JAK1: variants seen among roughly 807,000 people sequenced by gnomAD.
JAK1 encodes the protein tyrosine-protein kinase JAK1.
Under a neutral mutation model 136.6 loss-of-function variants are expected in JAK1, and 16 were observed. That is an observed-to-expected ratio of 0.12 (90% CI 0.08 to 0.18). JAK1 has a LOEUF of 0.18. JAK1 is among the 10% of genes least tolerant of loss of function. The pLI, the probability that JAK1 is intolerant of heterozygous loss-of-function variation, is 1.00. For synonymous variants in JAK1, 492 were observed against 519.5 expected (o/e 0.95, Z 0.72); for missense variants, 859 against 1,450.1 (o/e 0.59, Z 6.62).
chr1:64,975,081 G>A (rs56877097), intron 2 of JAK1, among the ~76,000 whole-genome samples: 26,757 of 142,080 alleles, frequency 0.19, 2,857 homozygotes, highest in East Asian at 0.4. Context: ...AGCTAATTTT[G>A]TATAGTTTTT....
At chr1:65,044,428 T>C (rs1647165207) in intron 2 of JAK1, among the ~76,000 whole-genome samples, 1 of 152,222 alleles carries the variant, frequency 6.6e-6, no homozygotes, top group Non-Finnish European at 1.5e-5. Flanking sequence ...GTAAATGAAG[T>C]TGCAAGTTTT....
At chr1:65,062,897 G>GT (rs1647853646) in intron 1 of JAK1, among the ~76,000 whole-genome samples, 1 of 152,188 alleles carries the variant, frequency 6.6e-6, no homozygotes, top group African/African-American at 2.4e-5. Flanking sequence ...ATCAACAAGA[G>GT]TATGTTTAAT....
In JAK1 at chr1:64,839,026, G is replaced by A. The variant is rs1483787788; in HGVS notation, c.2843-437C>T. ...CCGGGCGTGATGGCGGGCGCCTGTA[G>A]TCCCAGCTACTCGGGAGGCTGAGGC... is the stretch of plus-strand genomic sequence containing the variant. On this transcript the variant is annotated intron_variant, in intron 20 of 24. Coordinates refer to ENST00000342505, the MANE Select transcript of JAK1 (RefSeq NM_002227.4). 3.3e-5 allele frequency among the ~76,000 whole-genome samples: 5 copies of A among 150,552 alleles called. No homozygotes were observed. In the East Asian group the frequency reaches 7.8e-4, roughly 24 times the overall value.
chr1:64,861,145 GT>G (rs779300789), intron 8 of JAK1, among the ~76,000 whole-genome samples: 28 of 152,090 alleles, frequency 1.8e-4, no homozygotes, highest in Non-Finnish European at 3.1e-4. Context: ...GCACTCAACG[GT>G]GAATGGCTAA....
chr1:65,025,409 C>T (rs926135634), intron 2 of JAK1, among the ~76,000 whole-genome samples: 1 of 152,172 alleles, frequency 6.6e-6, no homozygotes, highest in African/African-American at 2.4e-5. Flanking sequence ...ATGTCCACTA[C>T]AGTGCTTCCC....
upstream of JAK1, among the ~76,000 whole-genome samples, chr1:64,966,760 C>G (rs1646392885): frequency 6.6e-6 from 1 of 151,568 alleles, no homozygotes; most frequent in Non-Finnish European, 1.5e-5. Context: ...TCACCGCGTC[C>G]TCTAGATTCT....
chr1:64,865,015 C>T (rs777924619), intron 7 of JAK1, 43 bp from the exon 8 acceptor site: 1 of 1,507,656 alleles, frequency 6.6e-7, no homozygotes, highest in East Asian at 2.3e-5. Flanking sequence ...TTGCTTTCTT[C>T]ATTTTCTATT....
intron 3 of JAK1, among the ~76,000 whole-genome samples, chr1:64,881,224 T>C (rs1644767292): frequency 6.7e-6 from 1 of 149,854 alleles, no homozygotes; most frequent in Non-Finnish European, 1.5e-5. Context: ...ATGGAACCAC[T>C]GCACTCCAGT....
intron 8 of JAK1, among the ~76,000 whole-genome samples, chr1:64,862,781 C>T (rs532344626): frequency 3.3e-5 from 5 of 152,198 alleles, no homozygotes; most frequent in Non-Finnish European, 5.9e-5. Flanking sequence ...CCTTAGAAGC[C>T]AAAGCAACAC....
rs572346195 is a variant in JAK1 at position 64,886,040 on chromosome 1, G to T, written c.6+219C>A. On this transcript the variant is annotated intron_variant, in intron 2 of 24. Coordinates refer to ENST00000342505, the MANE Select transcript of JAK1 (RefSeq NM_002227.4). ...TTAATAGTGGTGAACATCTAGGAGA[G>T]ATTACAAGGGAAGTTTAACTTTTAC... Among the ~76,000 whole-genome samples the T allele has an allele frequency of 1.6e-4, 24 of 152,264 alleles. 1 individual carries two copies. Among genetic ancestry groups the T allele is most frequent in the African/African-American group, 5.8e-4 (24 of 41,546 alleles).
rs1468563449 is a variant in JAK1, at chr1:64,833,495, T to TTTGA, written c.*1063_*1066dup. ...CACATTGAATCAATGACTAAACATT[T>TTTGA]TTGATTACCCAGCTACCTCCAAGCA... On this transcript the variant is annotated 3_prime_UTR_variant, in exon 25 of 25. Coordinates refer to ENST00000342505, the MANE Select transcript of JAK1 (RefSeq NM_002227.4). The TTTGA allele has an allele frequency of 2.1e-5, 5 of 232,960 alleles. No homozygotes were observed. Among genetic ancestry groups the TTTGA allele is most frequent in the East Asian group, 6.0e-5 (1 of 16,564 alleles). 14.4% of individuals were successfully genotyped at this position (232,960 alleles called of 1,614,324 possible).
At chr1:64,859,157 G>C (rs1263586811) in intron 9 of JAK1, among the ~76,000 whole-genome samples, 1 of 152,254 alleles carries the variant, frequency 6.6e-6, no homozygotes, top group African/African-American at 2.4e-5. Context: ...AGGGAAGAAG[G>C]TGAGAAGCAC....
chr1:64,960,626 A>C (rs1646266752), intron 1 of JAK1, among the ~76,000 whole-genome samples: 1 of 152,044 alleles, frequency 6.6e-6, no homozygotes. Flanking sequence ...CTCGCAGCTC[A>C]CTCTTAAGTA....
intron 12 of JAK1, chr1:64,847,979 A>C: frequency 3.5e-6 from 1 of 285,922 alleles, no homozygotes; most frequent in Non-Finnish European, 6.5e-6. Context: ...GACACTGCAA[A>C]CAGGGCCATC....
At chr1:64,925,914 T>G (rs756090665) in intron 1 of JAK1, among the ~76,000 whole-genome samples, 4 of 151,908 alleles carry the variant, frequency 2.6e-5, no homozygotes, top group Non-Finnish European at 4.4e-5. Context: ...TCTGGAGGAG[T>G]GGGGTCATAA....
intron 2 of JAK1, among the ~76,000 whole-genome samples, chr1:65,003,013 CTTTTTTTTTTTTT>C (rs11410336): frequency 8.3e-6 from 1 of 119,912 alleles, no homozygotes; most frequent in African/African-American, 3.1e-5. Context: ...GACAACCTAG[CTTTTTTTTTTTTT>C]TTTTTTTTAA....
intron 1 of JAK1, among the ~76,000 whole-genome samples, chr1:64,924,419 T>C (rs2100394050): frequency 6.6e-6 from 1 of 152,306 alleles, no homozygotes; most frequent in East Asian, 1.9e-4. Flanking sequence ...ACAGGACTAT[T>C]GCTGTGCACA....
intron 1 of JAK1, among the ~76,000 whole-genome samples, chr1:64,897,758 G>A (rs1258323516): frequency 1.9e-5 from 1 of 53,254 alleles, no homozygotes; most frequent in African/African-American, 3.8e-5. Flanking sequence ...CCAGATTCAT[G>A]TGAATTCCTC....
At chr1:65,065,868 G>C (rs2100903490) in intron 1 of JAK1, among the ~76,000 whole-genome samples, 1 of 151,796 alleles carries the variant, frequency 6.6e-6, no homozygotes, top group South Asian at 2.1e-4. Flanking sequence ...ACTGGCCAAA[G>C]GGGGTCACTT....
Sources: allele counts gnomAD v4.1 joint callset (sites outside exome capture counted in the v4.1 genomes callset), GRCh38; gene constraint gnomAD v4.1.1; transcripts MANE v1.5; gene names NCBI Gene and HGNC (gene_info 2026-07-23, HGNC 2026-07-21).